Variants in HS6ST2 observed in about 807,000 individuals in gnomAD.
The protein encoded by HS6ST2 is heparan sulfate 6-O-sulfotransferase 2, also known as heparan-sulfate 6-O-sulfotransferase 2.
HS6ST2 carries 17 observed loss-of-function variants against 33.0 expected under a neutral mutation model. The observed-to-expected ratio is 0.52, with a 90% CI of 0.35 to 0.77. The LOEUF is 0.77. Among genes scored for constraint, HS6ST2 ranks in the 30% least tolerant of loss-of-function variants. The pLI, the probability that HS6ST2 is intolerant of heterozygous loss-of-function variation, is 0.01. For synonymous variants in HS6ST2, 248 were observed against 237.1 expected, an observed-to-expected ratio of 1.05 and a Z score of -0.42; for missense variants, 519 against 551.7, an observed-to-expected ratio of 0.94 and a Z score of 0.59.
At chrX:132,640,102 T>C (rs1208795544) in intron 4 of HS6ST2, among the ~76,000 whole-genome samples, 3 of 110,789 alleles carry the variant, frequency 2.7e-5, no homozygotes, top group African/African-American at 9.9e-5. Context: ...GAACAACGTA[T>C]CAACTCTGAC....
At chrX:132,814,538 T>C (rs2065378918) in intron 2 of HS6ST2, among the ~76,000 whole-genome samples, 1 of 111,486 alleles carries the variant, frequency 9.0e-6, no homozygotes, top group African/African-American at 3.3e-5. Flanking sequence ...TTCTTAGACA[T>C]TGTCTCACTC....
chrX:132,947,603 G>C (rs1166959177), intron 2 of HS6ST2, among the ~76,000 whole-genome samples: 5 of 111,874 alleles, frequency 4.5e-5, no homozygotes, highest in African/African-American at 1.6e-4. Context: ...CTTCTGGCTA[G>C]TGTTTGCATA....
rs7065585 is a variant in HS6ST2 at position 132,838,815 on chromosome X, G to T, written c.947+117993C>A. ...CACCCCAATTAAAAAGCGGGCAAAA[G>T]ACATGAATAGTCATTTTTCAAGAAG... On this transcript the variant is annotated intron_variant, in intron 2 of 4. Coordinates refer to ENST00000370833, the MANE Select transcript of HS6ST2 (RefSeq NM_001394073.1). Among the ~76,000 whole-genome samples, 872 of 109,104 alleles carry T rather than the reference G, an allele frequency of 8.0e-3. 7 individuals are homozygous for T. The highest frequency in any genetic ancestry group is 0.028 in the African/African-American group (844 of 29,964). The allele number at this position is 109,104 out of a possible 115,157, so 94.7% of individuals were successfully genotyped here.
intron 3 of HS6ST2, among the ~76,000 whole-genome samples, chrX:132,681,096 C>T (rs1313225979): frequency 1.8e-5 from 2 of 110,366 alleles, no homozygotes; most frequent in East Asian, 5.7e-4. Flanking sequence ...TGTGGTATTT[C>T]GTCAGTCATC....
At chrX:132,838,963 T>C (rs1269410295) in intron 2 of HS6ST2, among the ~76,000 whole-genome samples, 1 of 82,993 alleles carries the variant, frequency 1.2e-5, no homozygotes, top group Non-Finnish European at 2.3e-5. Context: ...TATTAAAAAG[T>C]CGGAAAAAAA....
intron 2 of HS6ST2, among the ~76,000 whole-genome samples, chrX:132,871,085 C>A (rs2066052782): frequency 9.0e-6 from 1 of 111,625 alleles, no homozygotes; most frequent in African/African-American, 3.3e-5. Context: ...AAGAAAAAAA[C>A]AAACAACCCC....
intron 2 of HS6ST2, among the ~76,000 whole-genome samples, chrX:132,791,808 T>C (rs2065121555): frequency 1.0e-5 from 1 of 96,464 alleles, no homozygotes; most frequent in African/African-American, 3.8e-5. Flanking sequence ...AGCCCATTTC[T>C]ACAAAAAAAA....
chrX:132,881,274 C>T (rs1422576518), intron 2 of HS6ST2, among the ~76,000 whole-genome samples: 2 of 110,104 alleles, frequency 1.8e-5, no homozygotes, highest in Admixed American at 1.9e-4. Context: ...TTCTCCACAT[C>T]CTCTCCAGCA....
intron 2 of HS6ST2, among the ~76,000 whole-genome samples, chrX:132,881,836 TA>T (rs1330212924): frequency 8.9e-6 from 1 of 112,112 alleles, no homozygotes; most frequent in Non-Finnish European, 1.9e-5. Context: ...TTCAGCTTTC[TA>T]CATATGGCTA....
chrX:132,784,325 T>C (rs2065041711), intron 2 of HS6ST2, among the ~76,000 whole-genome samples: 1 of 111,261 alleles, frequency 9.0e-6, no homozygotes, highest in South Asian at 3.8e-4. Context: ...GTTTGTTTGT[T>C]TGTTGAGGCA....
At chrX:132,750,650 C>T (rs944964594) in intron 2 of HS6ST2, among the ~76,000 whole-genome samples, 2 of 111,821 alleles carry the variant, frequency 1.8e-5, no homozygotes, top group African/African-American at 6.5e-5. Flanking sequence ...CCCAAACAGG[C>T]ATAATGTTGT....
At chrX:132,947,006 C>A (rs1431124924) in intron 2 of HS6ST2, among the ~76,000 whole-genome samples, 1 of 111,535 alleles carries the variant, frequency 9.0e-6, no homozygotes, top group African/African-American at 3.3e-5. Flanking sequence ...TAGCAAACTA[C>A]TAACGTTCCT....
At chrX:132,722,213 C>G (rs1329782792) in intron 2 of HS6ST2, among the ~76,000 whole-genome samples, 1 of 102,734 alleles carries the variant, frequency 9.7e-6, no homozygotes, top group Non-Finnish European at 2.0e-5. Context: ...AAAAAAAGAA[C>G]CAGAGAAACA....
chrX:132,806,214 G>T (rs1363543532), intron 2 of HS6ST2, among the ~76,000 whole-genome samples: 1 of 110,420 alleles, frequency 9.1e-6, no homozygotes, highest in Non-Finnish European at 1.9e-5. Flanking sequence ...GAAAACAAGA[G>T]AATCTGTAAA....
intron 2 of HS6ST2, among the ~76,000 whole-genome samples, chrX:132,890,074 T>G (rs913678519): frequency 1.8e-5 from 2 of 111,845 alleles, no homozygotes. Context: ...ATATTGTTTT[T>G]GGCCTAGAAA....
At chrX:132,687,950 T>C (rs1014239179) in intron 3 of HS6ST2, among the ~76,000 whole-genome samples, 2 of 111,605 alleles carry the variant, frequency 1.8e-5, no homozygotes, top group Non-Finnish European at 3.8e-5. Context: ...GGTTTCATCA[T>C]GTTCGCCAGG....
intron 2 of HS6ST2, among the ~76,000 whole-genome samples, chrX:132,849,593 G>A (rs1042682246): frequency 8.9e-6 from 1 of 111,753 alleles, no homozygotes; most frequent in Non-Finnish European, 1.9e-5. Context: ...ATGTTTCAGT[G>A]GGGCACACTG....
intron 2 of HS6ST2, among the ~76,000 whole-genome samples, chrX:132,941,288 G>C (rs2066883942): frequency 9.0e-6 from 1 of 111,614 alleles, no homozygotes; most frequent in Admixed American, 9.6e-5. Context: ...GATGAGCTGA[G>C]CTAATCTGGC....
chrX:132,794,574 G>GATGATGATGATGATTATTATT lies in HS6ST2; in HGVS notation c.948-86081_948-86080insAATAATAATCATCATCATCAT, dbSNP rs916088563. Among the ~76,000 whole-genome samples the GATGATGATGATGATTATTATT allele has an allele frequency of 5.3e-4, 53 of 99,068 alleles. 1 individual carries two copies. Among genetic ancestry groups the GATGATGATGATGATTATTATT allele is most frequent in the Middle Eastern group, 4.9e-3 (1 of 205 alleles). 86.0% of individuals were successfully genotyped at this position (99,068 alleles called of 115,157 possible). On this transcript the variant is annotated intron_variant, in intron 2 of 4. Transcript: ENST00000370833. The stretch of plus-strand genomic sequence containing the variant: ...ACTCCTGGATGATGATGATGATGAT[G>GATGATGATGATGATTATTATT]ATTATTATTATTATTATTATTATTA...
Sources: allele counts gnomAD v4.1 joint callset (sites outside exome capture counted in the v4.1 genomes callset), GRCh38; gene constraint gnomAD v4.1.1; transcripts MANE v1.5; gene names NCBI Gene and HGNC (gene_info 2026-07-23, HGNC 2026-07-21).